LTBP1: variants seen among roughly 807,000 people sequenced by gnomAD.
The protein encoded by LTBP1 is latent-transforming growth factor beta-binding protein 1.
In LTBP1, 129 loss-of-function variants were observed where a neutral mutation model predicts 207.6. The ratio of observed to expected loss-of-function variants is 0.62; its 90% CI spans 0.54 to 0.72. The LOEUF (loss-of-function observed/expected upper bound fraction) is 0.72, where lower values mean the gene tolerates loss of function less well. LTBP1 is among the 30% of genes least tolerant of loss of function. The probability of loss-of-function intolerance (pLI) is 0.00; values close to 1 mark genes in which losing one functional copy is unlikely to be tolerated. For missense variants in LTBP1, 2,281 were observed against 2,217.2 expected (o/e 1.03, Z -0.58); for synonymous variants, 963 against 833.7 (o/e 1.16, Z -2.67).
chr2:33,300,714 A>G (rs945651087), intron 21 of LTBP1, 141 bp downstream of exon 21: 3 of 858,844 alleles, frequency 3.5e-6, no homozygotes, highest in African/African-American at 3.4e-5. Context: ...GGACTTAAAC[A>G]TAAGTTAGGA....
Position 33,218,922 on chromosome 2 carries a change from T to C in LTBP1, c.1804+1268T>C, listed in dbSNP as rs1341950823. 4.6e-5 allele frequency among the ~76,000 whole-genome samples: 7 copies of C among 152,352 alleles called. No homozygotes were observed. In the East Asian group the frequency reaches 1.3e-3, roughly 29 times the overall value. On this transcript the variant is annotated intron_variant, in intron 8 of 33. Transcript: ENST00000404816. ...CTCCTCTTATCTGTTGATTTGATTG[T>C]ATTCTCAAATGCCTTTTAAACCTCT...
At chr2:33,326,225 G>A (rs982205058) in intron 24 of LTBP1, among the ~76,000 whole-genome samples, 8 of 151,994 alleles carry the variant, frequency 5.3e-5, no homozygotes, top group Admixed American at 1.3e-4. Flanking sequence ...CAAACATCTG[G>A]CACACACAAT....
chr2:33,246,124 G>C (rs2092500151), intron 10 of LTBP1, among the ~76,000 whole-genome samples: 1 of 152,210 alleles, frequency 6.6e-6, no homozygotes, highest in African/African-American at 2.4e-5. Flanking sequence ...CAGCTGAACT[G>C]ATAAGTATTA....
chr2:32,990,126 C>A (rs191873220), intron 2 of LTBP1, among the ~76,000 whole-genome samples: 18 of 152,282 alleles, frequency 1.2e-4, no homozygotes, highest in African/African-American at 4.3e-4. Context: ...TAGCGGCAAC[C>A]AAGTGTAAGT....
At chr2:33,318,496 T>G (rs185099654) in intron 24 of LTBP1, among the ~76,000 whole-genome samples, 6 of 152,190 alleles carry the variant, frequency 3.9e-5, no homozygotes, top group Admixed American at 2.0e-4. Context: ...TAGGATACAT[T>G]AAGTGTTTAT....
intron 26 of LTBP1, among the ~76,000 whole-genome samples, chr2:33,350,740 T>C (rs1341323598): frequency 2.0e-5 from 3 of 152,166 alleles, no homozygotes; most frequent in Non-Finnish European, 4.4e-5. Context: ...TAAGAAGGTA[T>C]GGATATGAAA....
chr2:33,025,574 G>T (rs946287795), intron 3 of LTBP1, among the ~76,000 whole-genome samples: 1 of 152,144 alleles, frequency 6.6e-6, no homozygotes, highest in African/African-American at 2.4e-5. Context: ...AGATAACAAT[G>T]ACGATTTATA....
intron 3 of LTBP1, among the ~76,000 whole-genome samples, chr2:33,068,330 A>G (rs1203247250): frequency 6.6e-6 from 1 of 152,018 alleles, no homozygotes; most frequent in Non-Finnish European, 1.5e-5. Context: ...AGGGAAATAG[A>G]TATATAGTCC....
chr2:33,137,386 A>C (rs1037578941), intron 5 of LTBP1, among the ~76,000 whole-genome samples: 2 of 152,216 alleles, frequency 1.3e-5, no homozygotes, highest in African/African-American at 4.8e-5. Flanking sequence ...TTGGTACTTA[A>C]AGGTGAGGGC....
At chr2:33,327,399 A>C (rs1355873138) in intron 24 of LTBP1, among the ~76,000 whole-genome samples, 1 of 152,188 alleles carries the variant, frequency 6.6e-6, no homozygotes, top group African/African-American at 2.4e-5. Context: ...TTTTAATGAC[A>C]TAATAATTCT....
intron 24 of LTBP1, among the ~76,000 whole-genome samples, chr2:33,334,593 T>G (rs1414298288): frequency 1.3e-5 from 2 of 152,174 alleles, no homozygotes; most frequent in Admixed American, 1.3e-4. Context: ...TAATCAAGGA[T>G]GACTCCCACA....
intron 20 of LTBP1, among the ~76,000 whole-genome samples, chr2:33,297,264 A>G (rs2093895434): frequency 6.6e-6 from 1 of 152,056 alleles, no homozygotes; most frequent in African/African-American, 2.4e-5. Context: ...CATTCTTCCC[A>G]CATGATCTCT....
intron 3 of LTBP1, among the ~76,000 whole-genome samples, chr2:33,067,790 C>G (rs1473050496): frequency 6.6e-6 from 1 of 152,134 alleles, no homozygotes; most frequent in Non-Finnish European, 1.5e-5. Context: ...GGTCCTGGAA[C>G]TAATCTCCCA....
intron 1 of LTBP1, among the ~76,000 whole-genome samples, chr2:32,948,539 A>G (rs189725053): frequency 2.6e-5 from 4 of 152,260 alleles, no homozygotes; most frequent in South Asian, 2.1e-4. Context: ...CTCATTTCCA[A>G]TTTAAAATGT....
At position 33,283,427 on chromosome 2, in the gene LTBP1, CTTTTTTTTTTTT is replaced by C. The variant is rs763384851; in HGVS notation, c.3112+3285_3112+3296del. ...AAATTCTCCGTGATAACATTAAAGACTTTTTTTTTTTTTTTTTTTTTTTTTTTGAGACGGAGT... is the reference window on the plus strand; with the variant it reads ...AAATTCTCCGTGATAACATTAAAGACTTTTTTTTTTTTTTTGAGACGGAGT... On this transcript the variant is annotated intron_variant, in intron 19 of 33. Transcript: ENST00000404816. 3.0e-3 allele frequency among the ~76,000 whole-genome samples: 204 copies of C among 68,920 alleles called. 4 individuals are homozygous for C. The East Asian group carries it at 0.056, about 19-fold the overall frequency. The allele number at this position is 68,920 out of a possible 152,430, so 45.2% of individuals were successfully genotyped here.
At chr2:33,359,645 T>C (rs2094904192) in intron 26 of LTBP1, among the ~76,000 whole-genome samples, 1 of 152,228 alleles carries the variant, frequency 6.6e-6, no homozygotes, top group African/African-American at 2.4e-5. Flanking sequence ...AGTAGTCAGC[T>C]TCTTATTTGA....
intron 22 of LTBP1, among the ~76,000 whole-genome samples, chr2:33,305,590 A>T (rs1335132386): frequency 2.0e-5 from 3 of 152,164 alleles, no homozygotes; most frequent in Non-Finnish European, 4.4e-5. Flanking sequence ...TCCACTTTTG[A>T]TGCCCAAGAT....
intron 5 of LTBP1, among the ~76,000 whole-genome samples, chr2:33,164,273 C>T (rs1488633160): frequency 6.9e-6 from 1 of 144,068 alleles, no homozygotes; most frequent in Non-Finnish European, 1.5e-5. Flanking sequence ...TGCCCTGAAC[C>T]TGGGAGGCGG....
chr2:32,980,364 T>C (rs1257019658), intron 2 of LTBP1, among the ~76,000 whole-genome samples: 1 of 152,134 alleles, frequency 6.6e-6, no homozygotes. Context: ...GCAGATACTG[T>C]CTTATAAACA....
Sources: allele counts gnomAD v4.1 joint callset (sites outside exome capture counted in the v4.1 genomes callset), GRCh38; gene constraint gnomAD v4.1.1; transcripts MANE v1.5; gene names NCBI Gene and HGNC (gene_info 2026-07-23, HGNC 2026-07-21).